ACSM1: variants seen among roughly 807,000 people sequenced by gnomAD.
ACSM1 encodes the protein acyl-CoA synthetase medium chain family member 1.
ACSM1 carries 79 observed loss-of-function variants against 75.8 expected under a neutral mutation model. The observed-to-expected ratio is 1.04, with a 90% CI of 0.87 to 1.26. The LOEUF (loss-of-function observed/expected upper bound fraction) is 1.26. ACSM1 is among the 50% of genes most tolerant of loss of function. The pLI, the probability that ACSM1 is intolerant of heterozygous loss-of-function variation, is 0.00. For synonymous variants in ACSM1, 279 were observed against 265.8 expected (o/e 1.05, Z -0.48); for missense variants, 676 against 720.1 (o/e 0.94, Z 0.70).
intron 11 of ACSM1, among the ~76,000 whole-genome samples, chr16:20,626,008 G>T (rs2016901015): frequency 6.6e-6 from 1 of 152,070 alleles, no homozygotes; most frequent in African/African-American, 2.4e-5. Flanking sequence ...TCACATAATT[G>T]CCTTTTTTTT....
At chr16:20,657,067 G>T (rs1218496725) in intron 7 of ACSM1, among the ~76,000 whole-genome samples, 1 of 151,980 alleles carries the variant, frequency 6.6e-6, no homozygotes, top group African/African-American at 2.4e-5. Flanking sequence ...AAACCCTCCT[G>T]GGTATAATAC....
At chr16:20,667,210 T>C (rs1308450112) in intron 6 of ACSM1, among the ~76,000 whole-genome samples, 2 of 152,118 alleles carry the variant, frequency 1.3e-5, no homozygotes, top group African/African-American at 4.8e-5. Flanking sequence ...ACATCCAGAA[T>C]CAAATATCCA....
rs1330822667 is a variant in ACSM1 at position 20,624,290 on chromosome 16, G to T, written c.1528-75C>A. On this transcript the variant is annotated intron_variant, in intron 12 of 13. Coordinates refer to ENST00000520010, the MANE Select transcript of ACSM1 (RefSeq NM_001318890.3). ...CTTAAAAAGTCAATGTTTATTGAAT[G>T]AGTGGTAAAACAAGGTGACACTGAA... is the stretch of plus-strand genomic sequence containing the variant. 14 of 1,488,216 alleles carry T rather than the reference G, an allele frequency of 9.4e-6. No homozygotes were observed. In the East Asian group the frequency reaches 3.4e-4, roughly 37 times the overall value. 92.2% of individuals were successfully genotyped at this position (1,488,216 alleles called of 1,614,324 possible).
At chr16:20,676,547 G>A (rs754887444) in intron 4 of ACSM1, among the ~76,000 whole-genome samples, 10 of 152,170 alleles carry the variant, frequency 6.6e-5, no homozygotes, top group East Asian at 3.8e-4. Context: ...CTCCGTAGGT[G>A]TGAATGCAAC....
rs746665178 is a variant in ACSM1, at chr16:20,669,976, G to A, written c.763C>T (p.Arg255Trp). ...GAGACATCAGATGTCTTCAGGCTCC[G>A]TAATTTCCTACTAACTCCAAAATGC... Reference protein sequence around the residue: ...QPSFPGSRKLRSLKTSDVSWC... With the variant: ...QPSFPGSRKLWSLKTSDVSWC... The change falls in exon 6 of 14, where the codon CGG (arginine) becomes TGG (tryptophan). Residue 255 changes from arginine (R) to tryptophan (W), a missense_variant. Physicochemically the swap from Arg to Trp is moderately radical, Grantham distance 101. Coordinates refer to ENST00000520010, the MANE Select transcript of ACSM1 (RefSeq NM_001318890.3). 1.4e-5 allele frequency: 22 copies of A among 1,613,502 alleles called. No individual in the cohort carries two copies. The highest frequency in any genetic ancestry group is 1.8e-5 in the Non-Finnish European group (21 of 1,179,788).
chr16:20,627,853 T>C (rs1350286640), intron 10 of ACSM1, among the ~76,000 whole-genome samples: 3 of 133,858 alleles, frequency 2.2e-5, no homozygotes, highest in African/African-American at 3.1e-5. Context: ...TCTCTCTCTC[T>C]CTCTCTGTAT....
In ACSM1 at chr16:20,688,637, G is replaced by GA. The variant is rs199595975; in HGVS notation, c.192+2359dup. On this transcript the variant is annotated intron_variant, in intron 2 of 13. Transcript: ENST00000520010. Reference sequence around the variant, plus strand: ...GGATGATATATTTAAAGGGCTTAAAGAAAAAAAAAGCCAACCAAGAATTTT... The same window carrying GA: ...GGATGATATATTTAAAGGGCTTAAAGAAAAAAAAAAGCCAACCAAGAATTTT... 7.7e-4 allele frequency among the ~76,000 whole-genome samples: 116 copies of GA among 150,344 alleles called. 1 individual carries two copies. The East Asian group carries it at 0.02, about 26-fold the overall frequency.
At chr16:20,666,735 C>T (rs997693030) in intron 6 of ACSM1, among the ~76,000 whole-genome samples, 2 of 152,140 alleles carry the variant, frequency 1.3e-5, no homozygotes, top group Non-Finnish European at 2.9e-5. Flanking sequence ...GTAACCAAAA[C>T]AGCATGGTAC....
At chr16:20,631,545 T>C (rs1567246688) in intron 10 of ACSM1, among the ~76,000 whole-genome samples, 1 of 152,172 alleles carries the variant, frequency 6.6e-6, no homozygotes, top group Non-Finnish European at 1.5e-5. Context: ...AAGAAGTCAT[T>C]ATATGAAAAA....
At chr16:20,686,522 C>A (rs1020408806) in intron 2 of ACSM1, among the ~76,000 whole-genome samples, 1 of 152,106 alleles carries the variant, frequency 6.6e-6, no homozygotes, top group Non-Finnish European at 1.5e-5. Context: ...CTAATGCATG[C>A]GGGGTTTAAA....
At chr16:20,696,489 A>G (rs893512648) in intron 1 of ACSM1, among the ~76,000 whole-genome samples, 3 of 152,254 alleles carry the variant, frequency 2.0e-5, no homozygotes, top group African/African-American at 7.2e-5. Flanking sequence ...GTGCCCACAA[A>G]TTATCTGAGT....
At chr16:20,653,564 T>C (rs1305721950) in intron 7 of ACSM1, among the ~76,000 whole-genome samples, 18 of 152,282 alleles carry the variant, frequency 1.2e-4, no homozygotes, top group Non-Finnish European at 2.2e-4. Flanking sequence ...AATCTCAGGA[T>C]ACAAAATCAA....
rs1475209750 is a variant in ACSM1 at position 20,671,517 on chromosome 16, G to A, written c.752+14C>T. The stretch of plus-strand genomic sequence containing the variant: ...ATCTGGGTCCAGCCTCTATGTCGGT[G>A]CCCTCTTTCCTACCTTCCTGGGAAG... On this transcript the variant is annotated intron_variant, in intron 5 of 13. Coordinates refer to ENST00000520010, the MANE Select transcript of ACSM1 (RefSeq NM_001318890.3). 1.3e-6 allele frequency: 2 copies of A among 1,597,204 alleles called. No individual in the cohort carries two copies. The highest frequency in any genetic ancestry group is 1.1e-5 in the South Asian group (1 of 87,794).
At chr16:20,688,948 TA>T in intron 2 of ACSM1, among the ~76,000 whole-genome samples, 1 of 149,120 alleles carries the variant, frequency 6.7e-6, no homozygotes, top group African/African-American at 2.4e-5. Context: ...AAAATAATTA[TA>T]AATATATGTT....
chr16:20,658,400 T>C (rs2019099872), intron 7 of ACSM1, among the ~76,000 whole-genome samples: 1 of 152,240 alleles, frequency 6.6e-6, no homozygotes, highest in Non-Finnish European at 1.5e-5. Context: ...GCTGCATAAA[T>C]GTCTTCTCTT....
intron 6 of ACSM1, among the ~76,000 whole-genome samples, chr16:20,665,643 G>C (rs2019525830): frequency 6.6e-6 from 1 of 152,042 alleles, no homozygotes; most frequent in Non-Finnish European, 1.5e-5. Flanking sequence ...TATGAAGCCA[G>C]AATGCTTTTG....
chr16:20,673,069 ATATACTTATATATAAAT>A (rs1283550857), intron 4 of ACSM1, among the ~76,000 whole-genome samples: 5 of 146,292 alleles, frequency 3.4e-5, no homozygotes, highest in African/African-American at 1.2e-4. Flanking sequence ...TATATGATAT[ATATACTTATATATAAAT>A]TATACTTATA....
rs866177605 is a variant in ACSM1, at chr16:20,637,419, C to A, written c.1149G>T (p.Lys383Asn). 2 of 1,614,066 alleles carry A rather than the reference C, an allele frequency of 1.2e-6. No individual in the cohort carries two copies. Among genetic ancestry groups the A allele is most frequent in the Non-Finnish European group, 1.7e-6 (2 of 1,179,994 alleles). The change falls in exon 9 of 14, where the codon AAG becomes AAT. Residue 383 changes from lysine (K) to asparagine (N), a missense_variant. Physicochemically the swap from Lys to Asn is moderately conservative, Grantham distance 94 (BLOSUM62 0). Coordinates refer to ENST00000520010, the MANE Select transcript of ACSM1 (RefSeq NM_001318890.3). ...GLICATYWGM[K>N]IKPGFMGKAT... ...CCTTCCCCATGAAACCCGGCTTGAT[C>A]TTCATTCCCCAGTAGGTGGCACAAA...
chr16:20,685,821 A>AAAAG (rs2079539583), intron 2 of ACSM1, among the ~76,000 whole-genome samples: 2 of 114,896 alleles, frequency 1.7e-5, no homozygotes, highest in South Asian at 3.0e-4. Flanking sequence ...CTCCGTCTCA[A>AAAAG]AAAAAAAAAA....
Sources: gnomAD v4.1 joint callset for allele counts (sites outside exome capture counted in the v4.1 genomes callset) on GRCh38, gnomAD v4.1.1 for gene constraint, MANE v1.5 for transcripts, NCBI Gene and HGNC (gene_info 2026-07-23, HGNC 2026-07-21) for gene names.